Variants in PDZRN3 observed in about 807,000 individuals in gnomAD.
PDZRN3 encodes PDZ domain containing ring finger 3.
In PDZRN3, 38 loss-of-function variants were observed where a neutral mutation model predicts 85.7. The ratio of observed to expected loss-of-function variants is 0.44; its 90% CI spans 0.34 to 0.58. The LOEUF is 0.58. Among genes scored for constraint, PDZRN3 ranks in the 20% least tolerant of loss-of-function variants. PDZRN3 has a pLI of 0.01. For synonymous variants in PDZRN3, 759 were observed against 638.0 expected (o/e 1.19, Z -2.86); for missense variants, 1,629 against 1,506.4 (o/e 1.08, Z -1.35).
intron 3 of PDZRN3, among the ~76,000 whole-genome samples, chr3:73,495,799 T>C (rs1272439303): frequency 6.6e-6 from 1 of 152,208 alleles, no homozygotes; most frequent in African/African-American, 2.4e-5. Flanking sequence ...TTTATGTAAA[T>C]GAAAGTTGTT....
At chr3:73,557,177 T>C (rs772100562) in intron 3 of PDZRN3, among the ~76,000 whole-genome samples, 2 of 152,108 alleles carry the variant, frequency 1.3e-5, no homozygotes, top group Non-Finnish European at 2.9e-5. Flanking sequence ...GGGAAAAATC[T>C]CTAGAGCCTC....
intron 3 of PDZRN3, among the ~76,000 whole-genome samples, chr3:73,417,424 G>A (rs1024985058): frequency 1.3e-5 from 2 of 152,162 alleles, no homozygotes; most frequent in Non-Finnish European, 1.5e-5. Context: ...AACTATTCTG[G>A]AGAACTATGC....
At chr3:73,603,171 T>C (rs1395883840) in intron 2 of PDZRN3, among the ~76,000 whole-genome samples, 5 of 152,246 alleles carry the variant, frequency 3.3e-5, no homozygotes, top group African/African-American at 1.2e-4. Context: ...GTTATTAAAC[T>C]TGTAAATATC....
At chr3:73,507,683 G>A (rs1337933305) in intron 3 of PDZRN3, among the ~76,000 whole-genome samples, 1 of 152,168 alleles carries the variant, frequency 6.6e-6, no homozygotes, top group African/African-American at 2.4e-5. Flanking sequence ...ACTGGCAGCT[G>A]AACACTTGGC....
chr3:73,510,417 C>G (rs1486441994), intron 3 of PDZRN3, among the ~76,000 whole-genome samples: 2 of 152,174 alleles, frequency 1.3e-5, no homozygotes, highest in East Asian at 1.9e-4. Context: ...AGGCTCGCAG[C>G]ACCATTGCTT....
At chr3:73,475,741 T>C (rs769457437) in intron 3 of PDZRN3, among the ~76,000 whole-genome samples, 27 of 152,212 alleles carry the variant, frequency 1.8e-4, no homozygotes, top group Admixed American at 1.2e-3. Flanking sequence ...TAGAACTGAC[T>C]GTAAGATGAG....
chr3:73,417,074 G>C (rs1434573254), intron 3 of PDZRN3, among the ~76,000 whole-genome samples: 1 of 151,796 alleles, frequency 6.6e-6, no homozygotes, highest in East Asian at 1.9e-4. Flanking sequence ...TAGAGACGGG[G>C]TTTCACCATG....
intron 3 of PDZRN3, among the ~76,000 whole-genome samples, chr3:73,481,762 G>A (rs1342334675): frequency 6.6e-6 from 1 of 152,150 alleles, no homozygotes; most frequent in East Asian, 1.9e-4. Context: ...TAAATAGGTT[G>A]TTCATAAAAC....
chr3:73,624,324 C>T lies in PDZRN3; in HGVS notation c.502G>A (p.Ala168Thr), dbSNP rs1190691460. The T allele has an allele frequency of 1.3e-5, 17 of 1,312,890 alleles. No homozygotes were observed. Among genetic ancestry groups the T allele is most frequent in the South Asian group, 2.2e-5 (1 of 44,518 alleles). The allele number at this position is 1,312,890 out of a possible 1,614,324, so 81.3% of individuals were successfully genotyped here. A position where few individuals can be genotyped will look rare whatever the true frequency, so the allele number is the denominator to read the frequency against. The stretch of plus-strand genomic sequence containing the variant: ...CGGGCCTGGAGCGCGCCGTTGTGCG[C>T]CCGCAGCGCTCGCGCGCAGCAGTGG... ...GGHCCARALR[A>T]HNGALQARLG... The change falls in exon 1 of 10, where the codon GCG becomes ACG. Residue 168 changes from alanine to threonine, a missense_variant. By Grantham distance (58) the Ala-to-Thr change is moderately conservative (BLOSUM62 0). Transcript: ENST00000263666.
intron 3 of PDZRN3, among the ~76,000 whole-genome samples, chr3:73,548,650 C>T (rs553677226): frequency 2.6e-5 from 4 of 152,212 alleles, no homozygotes; most frequent in Admixed American, 2.6e-4. Context: ...TATGAGGGGG[C>T]AATAAAGAAG....
At chr3:73,580,038 C>G (rs893861510) in intron 3 of PDZRN3, among the ~76,000 whole-genome samples, 2 of 152,178 alleles carry the variant, frequency 1.3e-5, no homozygotes, top group African/African-American at 4.8e-5. Context: ...GTACCTCAGA[C>G]TCCCAAGTCT....
At chr3:73,534,526 A>C (rs1704731775) in intron 3 of PDZRN3, among the ~76,000 whole-genome samples, 1 of 152,202 alleles carries the variant, frequency 6.6e-6, no homozygotes, top group Non-Finnish European at 1.5e-5. Flanking sequence ...TCATTCCAGT[A>C]GTTTCCTGGA....
chr3:73,472,411 T>C (rs1703362305), intron 3 of PDZRN3, among the ~76,000 whole-genome samples: 1 of 152,244 alleles, frequency 6.6e-6, no homozygotes, highest in African/African-American at 2.4e-5. Flanking sequence ...GTGTTCCTTT[T>C]AATTGACTAA....
intron 3 of PDZRN3, among the ~76,000 whole-genome samples, chr3:73,510,822 C>T (rs1390997895): frequency 6.6e-6 from 1 of 152,042 alleles, no homozygotes; most frequent in Non-Finnish European, 1.5e-5. Context: ...AAGAGATTAA[C>T]AATAAAATAG....
Position 73,416,602 on chromosome 3 carries a change from T to C in PDZRN3, c.919-12207A>G, listed in dbSNP as rs573573645. Reference sequence around the variant, plus strand: ...AACTTTGCTTCCTAAGACTCTGGAATCATTTATCTCCCCCCACAGGAAGGT... The same window carrying C: ...AACTTTGCTTCCTAAGACTCTGGAACCATTTATCTCCCCCCACAGGAAGGT... On this transcript the variant is annotated intron_variant, in intron 3 of 9. Coordinates refer to ENST00000263666, the MANE Select transcript of PDZRN3 (RefSeq NM_015009.3). Among the ~76,000 whole-genome samples, 4 of 152,214 alleles carry C rather than the reference T, an allele frequency of 2.6e-5. No homozygotes were observed. In the East Asian group the frequency reaches 7.7e-4, roughly 29 times the overall value.
At chr3:73,622,906 ATAGAACG>A (rs1473595951) in intron 1 of PDZRN3, among the ~76,000 whole-genome samples, 8 of 152,318 alleles carry the variant, frequency 5.3e-5, no homozygotes, top group African/African-American at 1.9e-4. Context: ...ATGATAGTTT[ATAGAACG>A]TGGGCTGGAA....
At chr3:73,552,458 T>C (rs1053860980) in intron 3 of PDZRN3, among the ~76,000 whole-genome samples, 9 of 152,176 alleles carry the variant, frequency 5.9e-5, no homozygotes, top group African/African-American at 9.6e-5. Flanking sequence ...TCATTCCTCA[T>C]GACCCTGTAA....
In PDZRN3 at chr3:73,477,908, T is replaced by C. The variant is rs965227506; in HGVS notation, c.919-73513A>G. On this transcript the variant is annotated intron_variant, in intron 3 of 9. Coordinates refer to ENST00000263666, the MANE Select transcript of PDZRN3 (RefSeq NM_015009.3). ...AGGGACGTGTGCAGGGGAACTGTCC[T>C]GTATAAAACCATCAGATCTTGTGAG... Among the ~76,000 whole-genome samples the C allele has an allele frequency of 2.6e-5, 4 of 152,184 alleles. No individual in the cohort carries two copies. The East Asian group carries it at 7.7e-4, about 29-fold the overall frequency.
At chr3:73,531,248 C>CT (rs1279623270) in intron 3 of PDZRN3, among the ~76,000 whole-genome samples, 5 of 84,400 alleles carry the variant, frequency 5.9e-5, no homozygotes, top group Non-Finnish European at 1.1e-4. Flanking sequence ...GAGACTTCGT[C>CT]TCAAAAAAAA....
Sources: gnomAD v4.1 joint callset for allele counts (sites outside exome capture counted in the v4.1 genomes callset) on GRCh38, gnomAD v4.1.1 for gene constraint, MANE v1.5 for transcripts, NCBI Gene and HGNC (gene_info 2026-07-23, HGNC 2026-07-21) for gene names.